Variants in TMEM176B observed in about 807,000 individuals in gnomAD.
The protein encoded by TMEM176B is transmembrane protein 176B.
Under a neutral mutation model 30.3 loss-of-function variants are expected in TMEM176B, and 28 were observed. The ratio of observed to expected loss-of-function variants is 0.92; its 90% CI spans 0.68 to 1.27. The LOEUF (loss-of-function observed/expected upper bound fraction) is 1.27. Among genes scored for constraint, TMEM176B ranks in the 50% most tolerant of loss-of-function variants. TMEM176B has a pLI of 0.00. For missense variants in TMEM176B, 349 were observed against 327.4 expected, an observed-to-expected ratio of 1.07 and a Z score of -0.51; for synonymous variants, 123 against 130.3, an observed-to-expected ratio of 0.94 and a Z score of 0.38.
intron 3 of TMEM176B, 90 bp from the exon 4 acceptor site, chr7:150,793,690 A>C: frequency 1.4e-6 from 2 of 1,412,774 alleles, no homozygotes; most frequent in Non-Finnish European, 2.0e-6. Context: ...AGAATAGCCA[A>C]TGTGAAGCAG....
At position 150,791,527 on chromosome 7, in the gene TMEM176B, C is replaced by A. The variant is rs10216250; in HGVS notation, c.*4G>T. 1,591 of 1,612,564 alleles carry A rather than the reference C, an allele frequency of 9.9e-4. 15 individuals carry two copies. In the African/African-American group the frequency reaches 0.019, roughly 19 times the overall value. Reference sequence around the variant, plus strand: ...TGCGGGCACCCCGTGGGGTCTTTGGCAGCTCACAGGACAATGGCAGTGGAG... The same window carrying A: ...TGCGGGCACCCCGTGGGGTCTTTGGAAGCTCACAGGACAATGGCAGTGGAG... On this transcript the variant is annotated 3_prime_UTR_variant, in exon 7 of 7. Coordinates refer to ENST00000326442, the MANE Select transcript of TMEM176B (RefSeq NM_001101312.2).
intron 6 of TMEM176B, 126 bp from the exon 7 acceptor site, chr7:150,791,749 A>G: frequency 1.1e-6 from 1 of 899,950 alleles, no homozygotes; most frequent in Non-Finnish European, 1.6e-6. Context: ...AAAGCAGATC[A>G]GGCAAAAAAA....
chr7:150,799,721 A>G (rs1563042751), intron 1 of TMEM176B, among the ~76,000 whole-genome samples: 1 of 152,136 alleles, frequency 6.6e-6, no homozygotes, highest in Non-Finnish European at 1.5e-5. Flanking sequence ...CCTTCCCTTG[A>G]CGGCCCAGGC....
Position 150,793,191 on chromosome 7 carries a change from C to T in TMEM176B, c.497G>A (p.Arg166His), listed in dbSNP as rs144557912. The T allele has an allele frequency of 3.8e-5, 62 of 1,614,188 alleles. No homozygotes were observed. Among genetic ancestry groups the T allele is most frequent in the Middle Eastern group, 3.3e-4 (2 of 6,062 alleles). ...AGTGGTAGGGAAGACAGGGTCTGAG[C>T]GATCACACACAGTGTCGATGTATAA... ...PFLYIDTVCD[R>H]SDPVFPTTGY... Residue 166 changes from arginine (R) to histidine (H), a missense_variant, in exon 5 of 7, where the codon CGC becomes CAC. By Grantham distance (29) the Arg-to-His change is conservative (BLOSUM62 0). Coordinates refer to ENST00000326442, the MANE Select transcript of TMEM176B (RefSeq NM_001101312.2).
chr7:150,791,533 A>G lies in TMEM176B; in HGVS notation c.811T>C (p.Ter271ArgextTer14). 6.2e-7 allele frequency: 1 copy of G among 1,613,594 alleles called. No individual in the cohort carries two copies. The highest frequency in any genetic ancestry group is 8.5e-7 in the Non-Finnish European group (1 of 1,179,894). ...REQTSTAIVL* is the reference protein window; with the variant it reads ...REQTSTAIVLR ...CACCCCGTGGGGTCTTTGGCAGCTC[A>G]CAGGACAATGGCAGTGGAGGTCTGC... Residue 271 changes from the stop codon to arginine, a stop_lost, in exon 7 of 7, where the codon TGA becomes CGA. Coordinates refer to ENST00000326442, the MANE Select transcript of TMEM176B (RefSeq NM_001101312.2).
intron 1 of TMEM176B, among the ~76,000 whole-genome samples, chr7:150,798,527 G>A (rs1451084845): frequency 5.3e-5 from 8 of 152,132 alleles, no homozygotes; most frequent in East Asian, 1.9e-4. Flanking sequence ...CGCCCGCCTC[G>A]GCCTCCCAAA....
intron 5 of TMEM176B, among the ~76,000 whole-genome samples, chr7:150,792,707 G>A (rs535248002): frequency 6.6e-6 from 1 of 152,310 alleles, no homozygotes; most frequent in African/African-American, 2.4e-5. Context: ...AAACCCGTGA[G>A]TGAGAATGGC....
chr7:150,793,126 G>A lies in TMEM176B; in HGVS notation c.562C>T (p.Gln188Ter), dbSNP rs1798379580. The A allele has an allele frequency of 1.2e-6, 2 of 1,614,164 alleles. No homozygotes were observed. The highest frequency in any genetic ancestry group is 4.5e-5 in the East Asian group (2 of 44,872). Residue 188 changes from glutamine (Q) to a stop codon, truncating the protein, a stop_gained, in exon 5 of 7, where the codon CAG becomes TAG. Coordinates refer to ENST00000326442, the MANE Select transcript of TMEM176B (RefSeq NM_001101312.2). LOFTEE classifies it high-confidence loss of function. Reference protein sequence around the residue: ...WMRRSQENQWQKEECRAYMQM... With the variant: ...WMRRSQENQW ...ATGTAAGCTCTACACTCCTCCTTCTGCCATTGGTTCTCTTGACTTCGCCGC... is the reference window on the plus strand; with the variant it reads ...ATGTAAGCTCTACACTCCTCCTTCTACCATTGGTTCTCTTGACTTCGCCGC...
intron 2 of TMEM176B, among the ~76,000 whole-genome samples, chr7:150,795,811 C>A (rs2116694902): frequency 1.3e-5 from 2 of 152,302 alleles, no homozygotes; most frequent in South Asian, 2.1e-4. Context: ...ATAGTGATTT[C>A]TCATGTCCCT....
chr7:150,793,262 A>G lies in TMEM176B; in HGVS notation c.426T>C (p.Ala142=). 2 of 1,614,234 alleles carry G rather than the reference A, an allele frequency of 1.2e-6. No individual in the cohort carries two copies. Among genetic ancestry groups the G allele is most frequent in the Non-Finnish European group, 1.7e-6 (2 of 1,180,044 alleles). ...TLAGFATAMA[A]VVLCVNSFIW... ...TGAAGCTATTCACGCAGAGGACAAC[A>G]GCAGCCATAGCTGTAGCAAAGCCTG... Residue 142 remains alanine (A), a synonymous_variant, in exon 5 of 7, where the codon GCT becomes GCC. Coordinates refer to ENST00000326442, the MANE Select transcript of TMEM176B (RefSeq NM_001101312.2).
rs747811701 is a variant in TMEM176B, at chr7:150,794,006, C to G, written c.270G>C (p.Trp90Cys). The part of the protein sequence containing the change: ...VLGVCLSLGP[W>C]TVLSASGCAF... ...CACAGCCTGAGGCACTCAGCACAGT[C>G]CAGGGCCCCAAGCTGAGACACACTC... Residue 90 changes from tryptophan to cysteine, a missense_variant, in exon 3 of 7, where the codon TGG (tryptophan) becomes TGC (cysteine). Trp to Cys is a radical substitution (Grantham distance 215). Coordinates refer to ENST00000326442, the MANE Select transcript of TMEM176B (RefSeq NM_001101312.2). 1 of 1,613,994 alleles carries G rather than the reference C, an allele frequency of 6.2e-7. No individual in the cohort carries two copies. Among genetic ancestry groups the G allele is most frequent in the Admixed American group, 1.7e-5 (1 of 60,002 alleles).
At chr7:150,796,636 C>A in intron 1 of TMEM176B, 62 bp from the exon 2 acceptor site, 1 of 1,509,696 alleles carries the variant, frequency 6.6e-7, no homozygotes, top group Non-Finnish European at 9.2e-7. Context: ...AAATACACAG[C>A]ACAGGTGAAA....
intron 1 of TMEM176B, among the ~76,000 whole-genome samples, chr7:150,797,472 T>G (rs1165236669): frequency 6.6e-6 from 1 of 152,042 alleles, no homozygotes; most frequent in Admixed American, 6.5e-5. Flanking sequence ...AAGACAAAGG[T>G]TTTTAAAGGA....
Position 150,791,556 on chromosome 7 carries a change from T to A in TMEM176B, c.788A>T (p.Gln263Leu), listed in dbSNP as rs1472112981. The change falls in exon 7 of 7, where the codon CAG (glutamine) becomes CTG (leucine). Residue 263 changes from glutamine to leucine, a missense_variant. Physicochemically the swap from Gln to Leu is moderately radical, Grantham distance 113. Transcript: ENST00000326442. ...NSVPPSPSRE[Q>L]TSTAIVL is the part of the protein sequence containing the mutation. ...TCACAGGACAATGGCAGTGGAGGTC[T>A]GCTCCCTAGAGGGCGAAGGGGGCAC... is the stretch of plus-strand genomic sequence containing the variant. 3 of 1,613,792 alleles carry A rather than the reference T, an allele frequency of 1.9e-6. No homozygotes were observed. The highest frequency in any genetic ancestry group is 2.5e-6 in the Non-Finnish European group (3 of 1,179,966).
At position 150,791,494 on chromosome 7, in the gene TMEM176B, C is replaced by T; in HGVS notation, c.*37G>A. The T allele has an allele frequency of 6.3e-7, 1 of 1,586,734 alleles. No individual in the cohort carries two copies. The highest frequency in any genetic ancestry group is 8.6e-7 in the Non-Finnish European group (1 of 1,158,046). On this transcript the variant is annotated 3_prime_UTR_variant, in exon 7 of 7. Transcript: ENST00000326442. ...AGTGGGGGCCCTGGGCTGCCCTAGA[C>T]AGGGACATGCGGGCACCCCGTGGGG... is the stretch of plus-strand genomic sequence containing the variant.
At chr7:150,799,928 A>T (rs1471227150) in intron 1 of TMEM176B, 1 of 152,114 alleles carries the variant, frequency 6.6e-6, no homozygotes, top group Non-Finnish European at 1.5e-5. Context: ...TGCCCCGAAC[A>T]CTTTCCTCTG....
chr7:150,793,838 C>A, intron 3 of TMEM176B, 123 bp downstream of exon 3: 2 of 975,358 alleles, frequency 2.1e-6, no homozygotes, highest in Non-Finnish European at 3.1e-6. Context: ...CTCCTCATGG[C>A]CAAAGGCCAT....
In TMEM176B at chr7:150,793,158, C is replaced by T; in HGVS notation, c.530G>A (p.Arg177Lys). 6.2e-7 allele frequency: 1 copy of T among 1,614,230 alleles called. No individual in the cohort carries two copies. The highest frequency in any genetic ancestry group is 1.1e-5 in the South Asian group (1 of 91,082). Reference protein sequence around the residue: ...SDPVFPTTGYRWMRRSQENQW... With the variant: ...SDPVFPTTGYKWMRRSQENQW... Reference sequence around the variant, plus strand: ...GTTCTCTTGACTTCGCCGCATCCATCTGTACCCAGTGGTAGGGAAGACAGG... The same window carrying T: ...GTTCTCTTGACTTCGCCGCATCCATTTGTACCCAGTGGTAGGGAAGACAGG... Residue 177 changes from arginine (R) to lysine (K), a missense_variant, in exon 5 of 7, where the codon AGA becomes AAA. Transcript: ENST00000326442.
At position 150,796,511 on chromosome 7, in the gene TMEM176B, G is replaced by A. The variant is rs769771091; in HGVS notation, c.59C>T (p.Pro20Leu). 3.7e-6 allele frequency: 6 copies of A among 1,614,078 alleles called. No homozygotes were observed. The highest frequency in any genetic ancestry group is 5.1e-6 in the Non-Finnish European group (6 of 1,180,056). ...GVAMASRPSQ[P>L]THVNVHIHQE... is the part of the protein sequence containing the mutation. ...GTGGATGTGGACGTTGACGTGGGTG[G>A]GCTGGGATGGCCTAGAGGCCATAGC... The change falls in exon 2 of 7, where the codon CCC becomes CTC. Residue 20 changes from proline (P) to leucine (L), a missense_variant. By Grantham distance (98) the Pro-to-Leu change is moderately conservative (BLOSUM62 -3). Coordinates refer to ENST00000326442, the MANE Select transcript of TMEM176B (RefSeq NM_001101312.2).
Sources: gnomAD v4.1 joint callset for allele counts (sites outside exome capture counted in the v4.1 genomes callset) on GRCh38, gnomAD v4.1.1 for gene constraint, MANE v1.5 for transcripts, NCBI Gene and HGNC (gene_info 2026-07-23, HGNC 2026-07-21) for gene names.